RHBDD3: variants seen among roughly 807,000 people sequenced by gnomAD.
The protein encoded by RHBDD3 is rhomboid domain-containing protein 3.
RHBDD3 carries 34 observed loss-of-function variants against 32.3 expected under a neutral mutation model. The ratio of observed to expected loss-of-function variants is 1.05; its 90% CI spans 0.80 to 1.40. The LOEUF is 1.40. Among genes scored for constraint, RHBDD3 ranks in the 40% most tolerant of loss-of-function variants. The pLI is 0.00. For missense variants in RHBDD3, 482 were observed against 492.6 expected (o/e 0.98, Z 0.20); for synonymous variants, 249 against 239.1 (o/e 1.04, Z -0.38).
chr22:29,260,525 G>C lies in RHBDD3; in HGVS notation c.784C>G (p.Pro262Ala), dbSNP rs1021298445. ...GAGCCCTCCCAGGTGGGCTGCACAGGCCTCAGGCTTGGTGGGGGCAGGGCT... is the reference window on the plus strand; with the variant it reads ...GAGCCCTCCCAGGTGGGCTGCACAGCCCTCAGGCTTGGTGGGGGCAGGGCT... ...DSALPPPSLR[P>A]VQPTWEGSSE... Residue 262 changes from proline (P) to alanine (A), a missense_variant, in exon 6 of 7, where the codon CCT becomes GCT. By Grantham distance (27) the Pro-to-Ala change is conservative. Transcript: ENST00000216085. The C allele has an allele frequency of 6.3e-7, 1 of 1,598,036 alleles. No individual in the cohort carries two copies. The highest frequency in any genetic ancestry group is 1.3e-5 in the African/African-American group (1 of 75,002).
intron 3 of RHBDD3, 39 bp from the exon 4 acceptor site, chr22:29,264,257 C>T: frequency 1.3e-6 from 2 of 1,488,426 alleles, no homozygotes; most frequent in South Asian, 1.4e-5. Flanking sequence ...GGTTAGTGGC[C>T]CCAACATCCA....
intron 2 of RHBDD3, among the ~76,000 whole-genome samples, chr22:29,267,007 G>A (rs1240110831): frequency 1.3e-5 from 2 of 152,238 alleles, no homozygotes; most frequent in Admixed American, 6.5e-5. Flanking sequence ...TCCCTAGGCA[G>A]GTGGTCTGAG....
In RHBDD3 at chr22:29,265,530, C is replaced by A; in HGVS notation, c.97G>T (p.Ala33Ser). 3.2e-6 allele frequency: 5 copies of A among 1,580,712 alleles called. No homozygotes were observed. The highest frequency in any genetic ancestry group is 3.4e-6 in the Non-Finnish European group (4 of 1,167,806). Reference sequence around the variant, plus strand: ...GGGGCCAGGACCAGGCCGGGGCCGGCCCCCACCAGCCACAGGGTGCTCATC... The same window carrying A: ...GGGGCCAGGACCAGGCCGGGGCCGGACCCCACCAGCCACAGGGTGCTCATC... ...LLMSTLWLVG[A>S]GPGLVLAPEL... The change falls in exon 3 of 7, where the codon GCC becomes TCC. Residue 33 changes from alanine (A) to serine (S), a missense_variant. Transcript: ENST00000216085.
At chr22:29,265,125 C>T (rs1028536243) in intron 3 of RHBDD3, 3 of 172,356 alleles carry the variant, frequency 1.7e-5, no homozygotes, top group Non-Finnish European at 3.7e-5. Flanking sequence ...GTTGGCCAGG[C>T]TGGTCTCGAA....
rs577027654 is a variant in RHBDD3 at position 29,265,417 on chromosome 22, G to C, written c.148+62C>G. 26 of 1,394,962 alleles carry C rather than the reference G, an allele frequency of 1.9e-5. No individual in the cohort carries two copies. The African/African-American group carries it at 3.7e-4, about 20-fold the overall frequency. 86.4% of individuals were successfully genotyped at this position (1,394,962 alleles called of 1,614,324 possible). ...GGAGGCCTTGTGCTGCTCCTGCCAA[G>C]TGGGCCCAGGCCCTACAGCAAGTCT... On this transcript the variant is annotated intron_variant, in intron 3 of 6. Coordinates refer to ENST00000216085, the MANE Select transcript of RHBDD3 (RefSeq NM_012265.3).
In RHBDD3 at chr22:29,266,605, C is replaced by T. The variant is rs377008912; in HGVS notation, c.-43+821G>A. ...GCTGGTCCCAGCTTTGGCCCTCAAA[C>T]ATGGCCTTTCCCTGCCCACCAAAGC... is the stretch of plus-strand genomic sequence containing the variant. On this transcript the variant is annotated intron_variant, in intron 2 of 6. Coordinates refer to ENST00000216085, the MANE Select transcript of RHBDD3 (RefSeq NM_012265.3). Among the ~76,000 whole-genome samples the T allele has an allele frequency of 5.9e-5, 9 of 152,316 alleles. No homozygotes were observed. In the South Asian group the frequency reaches 1.9e-3, roughly 32 times the overall value.
Position 29,260,744 on chromosome 22 carries a change from C to G in RHBDD3, c.653G>C (p.Gly218Ala). ...GGTGACAGGCAGCTCCGCCAGGCTA[C>G]CCGGGGTGGCAAGGAGCCTCAGGGG... ...CWPLRLLATP[G>A]SLAELPVTHP... Residue 218 changes from glycine (G) to alanine (A), a missense_variant, in exon 5 of 7, where the codon GGT becomes GCT. Gly to Ala is a moderately conservative substitution (Grantham distance 60, BLOSUM62 0). Transcript: ENST00000216085. 1.3e-6 allele frequency: 2 copies of G among 1,598,310 alleles called. No individual in the cohort carries two copies. The highest frequency in any genetic ancestry group is 1.7e-6 in the Non-Finnish European group (2 of 1,173,442).
chr22:29,264,998 T>G (rs1227337357), intron 3 of RHBDD3: 1 of 152,470 alleles, frequency 6.6e-6, no homozygotes, highest in African/African-American at 2.4e-5. Context: ...CAGGATGGTC[T>G]CAATCTCCTG....
At chr22:29,261,092 C>G (rs2058112238) in intron 4 of RHBDD3, 1 of 604,344 alleles carries the variant, frequency 1.7e-6, no homozygotes, top group South Asian at 2.0e-5. Context: ...ATGCCTCACC[C>G]CAAGGCCTGG....
chr22:29,266,097 A>G (rs2058173353), intron 2 of RHBDD3, among the ~76,000 whole-genome samples: 1 of 152,144 alleles, frequency 6.6e-6, no homozygotes, highest in Non-Finnish European at 1.5e-5. Flanking sequence ...GGGTGGGGCC[A>G]GACAATGGGC....
chr22:29,264,147 G>T lies in RHBDD3; in HGVS notation c.220C>A (p.Pro74Thr). The change falls in exon 4 of 7, where the codon CCC becomes ACC. Residue 74 changes from proline to threonine, a missense_variant. By Grantham distance (38) the Pro-to-Thr change is conservative. Transcript: ENST00000216085. The part of the protein sequence containing the change: ...PGLLLSLLLL[P>T]TVGWQQECHL... ...CACTCCTGCTGCCAGCCCACAGTGG[G>T]CAGGAGCAGCAGGCTCAGGAGCAGG... The T allele has an allele frequency of 6.3e-7, 1 of 1,584,614 alleles. No individual in the cohort carries two copies. The highest frequency in any genetic ancestry group is 1.3e-5 in the African/African-American group (1 of 74,718).
In RHBDD3 at chr22:29,265,469, T is replaced by C. The variant is rs1298724158; in HGVS notation, c.148+10A>G. 1 of 1,517,554 alleles carries C rather than the reference T, an allele frequency of 6.6e-7. No homozygotes were observed. The highest frequency in any genetic ancestry group is 8.8e-7 in the Non-Finnish European group (1 of 1,139,408). 94.0% of individuals were successfully genotyped at this position (1,517,554 alleles called of 1,614,324 possible). ...CTGCTTCCTCCAAGGTCCACGTGGC[T>C]GGCCCTCACCCTGCCAGGGGTCCAG... On this transcript the variant is annotated intron_variant, in intron 3 of 6. Transcript: ENST00000216085.
chr22:29,261,250 T>C (rs2058114530), intron 4 of RHBDD3: 1 of 495,216 alleles, frequency 2.0e-6, no homozygotes, highest in Admixed American at 2.3e-5. Flanking sequence ...CAATCCAGAG[T>C]GCAGAGGCCA....
intron 2 of RHBDD3, among the ~76,000 whole-genome samples, chr22:29,266,087 G>A (rs574141565): frequency 6.6e-6 from 1 of 152,322 alleles, no homozygotes; most frequent in African/African-American, 2.4e-5. Context: ...CTTGACCCTG[G>A]GGTGGGGCCA....
Position 29,265,501 on chromosome 22 carries a change from C to T in RHBDD3, c.126G>A (p.Glu42=). The change falls in exon 3 of 7, where the codon GAG becomes GAA. Residue 42 remains glutamate, a synonymous_variant. Coordinates refer to ENST00000216085, the MANE Select transcript of RHBDD3 (RefSeq NM_012265.3). ...GAGPGLVLAP[E]LLLDPWQVHR... is the part of the protein sequence containing the mutation. Reference sequence around the variant, plus strand: ...CACCCTGCCAGGGGTCCAGCAACAGCTCCGGGGCCAGGACCAGGCCGGGGC... The same window carrying T: ...CACCCTGCCAGGGGTCCAGCAACAGTTCCGGGGCCAGGACCAGGCCGGGGC... 6.5e-7 allele frequency: 1 copy of T among 1,547,416 alleles called. No individual in the cohort carries two copies. Among genetic ancestry groups the T allele is most frequent in the Non-Finnish European group, 8.7e-7 (1 of 1,154,784 alleles).
intron 4 of RHBDD3, among the ~76,000 whole-genome samples, chr22:29,263,580 T>C (rs909416945): frequency 5.9e-4 from 90 of 152,362 alleles, no homozygotes; most frequent in African/African-American, 2.1e-3. Context: ...TTTCTATTTC[T>C]GCGAAGAATG....
rs2058238306 is a variant in RHBDD3 at position 29,267,421 on chromosome 22, C to G, written c.-43+5G>C. ...CGGGGCAGTGCACCACCAGGCCCTG[C>G]CTACCTTACTGGGAAGCCGGGAGGG... is the stretch of plus-strand genomic sequence containing the variant. On this transcript the variant is annotated splice_donor_5th_base_variant and intron_variant, in intron 2 of 6. Transcript: ENST00000216085. The G allele has an allele frequency of 6.5e-6, 1 of 152,814 alleles. No homozygotes were observed. The highest frequency in any genetic ancestry group is 2.1e-4 in the South Asian group (1 of 4,846). 9.5% of individuals were successfully genotyped at this position (152,814 alleles called of 1,614,324 possible).
downstream of RHBDD3, chr22:29,259,864 G>C (rs11912931): frequency 8.6e-3 from 5,141 of 595,512 alleles, 203 homozygotes; most frequent in African/African-American, 0.087. Flanking sequence ...CCTCCAAGGA[G>C]GTCCAGGTTG....
At position 29,260,160 on chromosome 22, in the gene RHBDD3, C is replaced by A; in HGVS notation, c.1061G>T (p.Gly354Val). The change falls in exon 7 of 7, where the codon GGT (glycine) becomes GTT (valine). Residue 354 changes from glycine to valine, a missense_variant. Physicochemically the swap from Gly to Val is moderately radical, Grantham distance 109. Transcript: ENST00000216085. Reference protein sequence around the residue: ...VALAATGRVEGAVSLLVGGQV... With the variant: ...VALAATGRVEVAVSLLVGGQV... Reference sequence around the variant, plus strand: ...TCCTCCAACCAACAGTGACACGGCACCCTCCACACGGCCTGTGGCTGCCAG... The same window carrying A: ...TCCTCCAACCAACAGTGACACGGCAACCTCCACACGGCCTGTGGCTGCCAG... 6.3e-7 allele frequency: 1 copy of A among 1,589,730 alleles called. No homozygotes were observed. The highest frequency in any genetic ancestry group is 8.6e-7 in the Non-Finnish European group (1 of 1,168,170).
Sources: allele counts gnomAD v4.1 joint callset (sites outside exome capture counted in the v4.1 genomes callset), GRCh38; gene constraint gnomAD v4.1.1; transcripts MANE v1.5; gene names NCBI Gene and HGNC (gene_info 2026-07-23, HGNC 2026-07-21).